Variants in APBA1 observed in about 807,000 individuals in gnomAD.
APBA1 encodes amyloid beta precursor protein binding family A member 1, also known as amyloid-beta A4 precursor protein-binding family A member 1.
In APBA1, 55 loss-of-function variants were observed where a neutral mutation model predicts 86.6. The ratio of observed to expected loss-of-function variants is 0.64; its 90% CI spans 0.51 to 0.80. The LOEUF is 0.80. Among genes scored for constraint, APBA1 ranks in the 30% least tolerant of loss-of-function variants. The pLI is 0.00. For synonymous variants in APBA1, 511 were observed against 493.9 expected (o/e 1.03, Z -0.46); for missense variants, 1,090 against 1,183.0 (o/e 0.92, Z 1.15).
At chr9:69,436,290 A>G (rs1343777389) in intron 11 of APBA1, among the ~76,000 whole-genome samples, 6 of 150,168 alleles carry the variant, frequency 4.0e-5, no homozygotes, top group African/African-American at 1.5e-4. Flanking sequence ...ATGAATTTTA[A>G]AGTAGTTTTT....
intron 11 of APBA1, among the ~76,000 whole-genome samples, chr9:69,435,401 A>G (rs1234056997): frequency 5.3e-5 from 8 of 152,088 alleles, no homozygotes; most frequent in African/African-American, 1.5e-4. Context: ...ACTAGTTTAC[A>G]GTCCCACCAA....
chr9:69,646,320 CATGT>C (rs1232494727), intron 1 of APBA1, among the ~76,000 whole-genome samples: 4 of 152,138 alleles, frequency 2.6e-5, no homozygotes, highest in Non-Finnish European at 5.9e-5. Context: ...TTCTGCCATG[CATGT>C]GTCATTCTTG....
At chr9:69,514,553 C>A (rs1329365264) in intron 2 of APBA1, among the ~76,000 whole-genome samples, 1 of 151,964 alleles carries the variant, frequency 6.6e-6, no homozygotes, top group East Asian at 1.9e-4. Flanking sequence ...CACACCATTG[C>A]ACTCCAGCCT....
chr9:69,668,165 C>T lies in APBA1; in HGVS notation c.-70+3988G>A, dbSNP rs117577053. Among the ~76,000 whole-genome samples the T allele has an allele frequency of 9.2e-5, 14 of 152,302 alleles. No homozygotes were observed. In the East Asian group the frequency reaches 1.9e-3, roughly 21 times the overall value. ...TCAGTGATTCCTGGGATATGAAAAT[C>T]GCTCCTAAGCAGATGACCTACAAAT... On this transcript the variant is annotated intron_variant, in intron 1 of 12. Transcript: ENST00000265381.
intron 5 of APBA1, among the ~76,000 whole-genome samples, chr9:69,466,058 T>C (rs1044693538): frequency 1.3e-5 from 2 of 152,302 alleles, no homozygotes; most frequent in South Asian, 2.1e-4. Flanking sequence ...ATCGTAGTCA[T>C]GTCAAAAGTT....
intron 1 of APBA1, among the ~76,000 whole-genome samples, chr9:69,600,582 T>C (rs909183219): frequency 6.6e-6 from 1 of 152,042 alleles, no homozygotes; most frequent in African/African-American, 2.4e-5. Flanking sequence ...GTGGATCACC[T>C]GAGGTCAGGA....
intron 1 of APBA1, among the ~76,000 whole-genome samples, chr9:69,582,075 C>A (rs543983587): frequency 2.0e-5 from 3 of 152,036 alleles, no homozygotes; most frequent in Non-Finnish European, 4.4e-5. Context: ...TTAGTGATTA[C>A]CAAGTTATTT....
At chr9:69,668,791 A>T (rs970825830) in intron 1 of APBA1, among the ~76,000 whole-genome samples, 1 of 152,060 alleles carries the variant, frequency 6.6e-6, no homozygotes. Context: ...TTCCACTGCC[A>T]GGCCTGTGCT....
intron 6 of APBA1, among the ~76,000 whole-genome samples, chr9:69,457,820 C>A: frequency 6.6e-6 from 1 of 152,170 alleles, no homozygotes; most frequent in South Asian, 2.1e-4. Flanking sequence ...GACAAATCCA[C>A]AAATCAAGCA....
chr9:69,496,930 C>T (rs549748673), intron 2 of APBA1, among the ~76,000 whole-genome samples: 1 of 151,466 alleles, frequency 6.6e-6, no homozygotes, highest in African/African-American at 2.4e-5. Context: ...GTGTTCACTG[C>T]TGCTGTGAAA....
intron 1 of APBA1, among the ~76,000 whole-genome samples, chr9:69,526,011 T>C (rs957803684): frequency 3.3e-5 from 5 of 152,090 alleles, no homozygotes; most frequent in African/African-American, 9.7e-5. Context: ...AGCTGCCTAG[T>C]GATATGCAGA....
intron 1 of APBA1, among the ~76,000 whole-genome samples, chr9:69,651,895 A>C (rs1220271887): frequency 6.6e-6 from 1 of 152,250 alleles, no homozygotes; most frequent in Non-Finnish European, 1.5e-5. Flanking sequence ...CACAAAAGTC[A>C]CATGTTGAAG....
intron 11 of APBA1, among the ~76,000 whole-genome samples, chr9:69,434,303 G>A (rs1834658273): frequency 6.6e-6 from 1 of 152,112 alleles, no homozygotes; most frequent in South Asian, 2.1e-4. Context: ...AGAAACACTG[G>A]GTTCTGGGTG....
At chr9:69,527,594 G>T (rs562093990) in intron 1 of APBA1, among the ~76,000 whole-genome samples, 1 of 152,146 alleles carries the variant, frequency 6.6e-6, no homozygotes, top group South Asian at 2.1e-4. Context: ...GATCTGCCTG[G>T]CTCTCACTGT....
intron 1 of APBA1, among the ~76,000 whole-genome samples, chr9:69,555,049 G>T (rs1425501449): frequency 6.6e-6 from 1 of 152,134 alleles, no homozygotes; most frequent in Non-Finnish European, 1.5e-5. Context: ...CATAATTCAG[G>T]CATTCAAAAC....
At chr9:69,469,736 A>C (rs997029917) in intron 4 of APBA1, among the ~76,000 whole-genome samples, 3 of 152,236 alleles carry the variant, frequency 2.0e-5, no homozygotes, top group African/African-American at 7.2e-5. Flanking sequence ...AACAGGTCTG[A>C]ATCCACATTA....
intron 1 of APBA1, among the ~76,000 whole-genome samples, chr9:69,550,925 A>G (rs1449089899): frequency 6.6e-6 from 1 of 152,224 alleles, no homozygotes; most frequent in Admixed American, 6.5e-5. Flanking sequence ...ATATGCATAC[A>G]TAGATATGTA....
chr9:69,452,142 T>A lies in APBA1; in HGVS notation c.1948A>T (p.Lys650Ter). The A allele has an allele frequency of 6.2e-7, 1 of 1,614,150 alleles. No homozygotes were observed. The highest frequency in any genetic ancestry group is 8.5e-7 in the Non-Finnish European group (1 of 1,179,992). ...CCCACATCTTTACAGTTTTCCGACTTGGAGAAGTGGATCAGGTCATCGTTG... is the reference window on the plus strand; with the variant it reads ...CCCACATCTTTACAGTTTTCCGACTAGGAGAAGTGGATCAGGTCATCGTTG... ...MYNDDLIHFS[K>*]SENCKDVFIE... Residue 650 changes from lysine (K) to a stop codon, truncating the protein, a stop_gained, in exon 9 of 13, where the codon AAG becomes TAG. Coordinates refer to ENST00000265381, the MANE Select transcript of APBA1 (RefSeq NM_001163.4). LOFTEE classifies it high-confidence loss of function.
intron 1 of APBA1, among the ~76,000 whole-genome samples, chr9:69,635,007 A>C (rs1823126363): frequency 6.6e-6 from 1 of 152,176 alleles, no homozygotes; most frequent in Non-Finnish European, 1.5e-5. Context: ...AAAGTATGCT[A>C]ATGAACAATA....
Sources: gnomAD v4.1 joint callset for allele counts (sites outside exome capture counted in the v4.1 genomes callset) on GRCh38, gnomAD v4.1.1 for gene constraint, MANE v1.5 for transcripts, NCBI Gene and HGNC (gene_info 2026-07-23, HGNC 2026-07-21) for gene names.